EPS8L1: variants seen among roughly 807,000 people sequenced by gnomAD.
EPS8L1 encodes epidermal growth factor receptor kinase substrate 8-like protein 1.
EPS8L1 carries 101 observed loss-of-function variants against 91.7 expected under a neutral mutation model. The observed-to-expected ratio is 1.10, with a 90% CI of 0.94 to 1.30. The LOEUF is 1.30. EPS8L1 is among the 50% of genes most tolerant of loss of function. EPS8L1 has a pLI of 0.00. For synonymous variants in EPS8L1, 506 were observed against 445.3 expected (o/e 1.14, Z -1.72); for missense variants, 1,114 against 1,017.0 (o/e 1.10, Z -1.30).
intron 6 of EPS8L1, 198 bp from the exon 7 acceptor site, chr19:55,080,574 C>A (rs1255392160): frequency 5.0e-6 from 8 of 1,607,506 alleles, no homozygotes. Flanking sequence ...ACTGGGTCTC[C>A]ATGGGCGGGG....
At chr19:55,080,718 G>T in intron 6 of EPS8L1, 54 bp from the exon 7 acceptor site, 1 of 1,591,264 alleles carries the variant, frequency 6.3e-7, no homozygotes. Context: ...GGCGAGGCCC[G>T]GGTAGGAAGT....
chr19:55,086,637 C>CCCCCCCCCCCCCCCCCAGGGG, intron 17 of EPS8L1, 77 bp from the exon 18 acceptor site: 1 of 1,374,366 alleles, frequency 7.3e-7, no homozygotes, highest in Non-Finnish European at 1.0e-6. Flanking sequence ...GCTGGAGCGC[C>CCCCCCCCCCCCCCCCCAGGGG]CCCCCGCCCC....
chr19:55,079,604 AG>A (rs1255304540), intron 4 of EPS8L1, 85 bp from the exon 5 acceptor site: 1 of 1,496,460 alleles, frequency 6.7e-7, no homozygotes, highest in African/African-American at 1.4e-5. Context: ...GGTTAGTCTC[AG>A]GCTGAAAGTC....
At chr19:55,082,649 A>G (rs1260740777) in intron 12 of EPS8L1, 47 bp downstream of exon 12, 33 of 1,513,492 alleles carry the variant, frequency 2.2e-5, no homozygotes, top group Non-Finnish European at 2.6e-5. Flanking sequence ...TTGGAGGAGC[A>G]TAAGGCGCTG....
chr19:55,083,500 A>C lies in EPS8L1; in HGVS notation c.1337A>C (p.His446Pro), dbSNP rs1237671214. Residue 446 changes from histidine (H) to proline (P), a missense_variant, in exon 13 of 20, where the codon CAC (histidine) becomes CCC (proline). Physicochemically the swap from His to Pro is moderately conservative, Grantham distance 77 (BLOSUM62 -2). Coordinates refer to ENST00000201647, the MANE Select transcript of EPS8L1 (RefSeq NM_133180.3). The surrounding 1 kb of genome is among the most constrained non-coding windows in gnomAD (Gnocchi z 4.7). ...WEDPVEKQLQ[H>P]ERRRRQQSAP... Reference sequence around the variant, plus strand: ...GACCCAGTTGAGAAACAGCTACAGCACGAGCGGAGGCGCCGGCAGGTGACC... The same window carrying C: ...GACCCAGTTGAGAAACAGCTACAGCCCGAGCGGAGGCGCCGGCAGGTGACC... The C allele has an allele frequency of 6.2e-7, 1 of 1,611,644 alleles. No individual in the cohort carries two copies. The highest frequency in any genetic ancestry group is 1.7e-5 in the Admixed American group (1 of 59,844).
In EPS8L1 at chr19:55,079,734, C is replaced by A. The variant is rs1056338694; in HGVS notation, c.162C>A (p.Thr54=). 1 of 1,614,128 alleles carries A rather than the reference C, an allele frequency of 6.2e-7. No individual in the cohort carries two copies. The highest frequency in any genetic ancestry group is 1.7e-5 in the Admixed American group (1 of 60,010). Residue 54 remains threonine (T), a synonymous_variant, in exon 5 of 20, where the codon ACC becomes ACA. Coordinates refer to ENST00000201647, the MANE Select transcript of EPS8L1 (RefSeq NM_133180.3). ...TGGGTGAGGACGATGGCGTGCATAC[C>A]GTGGAGGATGCCTCCAGGAAGTTGG... The part of the protein sequence containing the change: ...FCLGEDDGVH[T]VEDASRKLAV...
intron 17 of EPS8L1, 44 bp from the exon 18 acceptor site, chr19:55,086,663 GACCCCTC>G: frequency 1.0e-6 from 1 of 979,956 alleles, no homozygotes; most frequent in Non-Finnish European, 1.5e-6. Context: ...CTGGCCCCAG[GACCCCTC>G]GCCCTGAGCC....
chr19:55,086,363 C>G lies in EPS8L1; in HGVS notation c.1651-29C>G, dbSNP rs368356826. 1.8e-4 allele frequency: 281 copies of G among 1,595,910 alleles called. 2 individuals are homozygous for G. The highest frequency in any genetic ancestry group is 1.4e-3 in the South Asian group (127 of 88,808). Reference sequence around the variant, plus strand: ...CTGGGACTCTGAGTCCTCTCCCTAACCCAGGTACTCTCCTCTCCTTCCTTT... The same window carrying G: ...CTGGGACTCTGAGTCCTCTCCCTAAGCCAGGTACTCTCCTCTCCTTCCTTT... On this transcript the variant is annotated intron_variant, in intron 16 of 19. Transcript: ENST00000201647.
At position 55,081,554 on chromosome 19, in the gene EPS8L1, T is replaced by G. The variant is rs566785517; in HGVS notation, c.774+62T>G. Reference sequence around the variant, plus strand: ...GGCGACTGGAGGCGGGGCTAGGGCGTGGAAGGGCGGGGCCGGCTGCGGGAC... The same window carrying G: ...GGCGACTGGAGGCGGGGCTAGGGCGGGGAAGGGCGGGGCCGGCTGCGGGAC... On this transcript the variant is annotated intron_variant, in intron 8 of 19. Coordinates refer to ENST00000201647, the MANE Select transcript of EPS8L1 (RefSeq NM_133180.3). This position sits in a 1 kb window ranked among gnomAD's most constrained non-coding sequence, Gnocchi z 4.9. The G allele has an allele frequency of 1.6e-4, 210 of 1,351,354 alleles. 3 individuals are homozygous for G. In the South Asian group the frequency reaches 3.5e-3, roughly 22 times the overall value. 83.7% of individuals were successfully genotyped at this position (1,351,354 alleles called of 1,614,324 possible).
chr19:55,083,574 T>TCCGCCTGGCC lies in EPS8L1; in HGVS notation c.1357-34_1357-25dup, dbSNP rs775192948. On this transcript the variant is annotated intron_variant, in intron 13 of 19. Transcript: ENST00000201647. The surrounding 1 kb of genome is among the most constrained non-coding windows in gnomAD (Gnocchi z 4.7). ...CTGGGAAGTCCGGGGGCGCGGCCGGTCCGCCTGGCCCCGCCTGACCCGACT... is the reference window on the plus strand; with the variant it reads ...CTGGGAAGTCCGGGGGCGCGGCCGGTCCGCCTGGCCCCGCCTGGCCCCGCCTGACCCGACT... 1 of 1,594,414 alleles carries TCCGCCTGGCC rather than the reference T, an allele frequency of 6.3e-7. No individual in the cohort carries two copies. The highest frequency in any genetic ancestry group is 8.5e-7 in the Non-Finnish European group (1 of 1,170,852).
At chr19:55,077,160 T>A (rs548508638) in intron 2 of EPS8L1, among the ~76,000 whole-genome samples, 37 of 152,290 alleles carry the variant, frequency 2.4e-4, no homozygotes, top group Non-Finnish European at 4.4e-4. Context: ...GGAAAGGTAA[T>A]CTTAGGAAGA....
At chr19:55,086,664 A>T (rs1355298199) in intron 17 of EPS8L1, 50 bp from the exon 18 acceptor site, 1 of 717,578 alleles carries the variant, frequency 1.4e-6, no homozygotes, top group Non-Finnish European at 2.2e-6. Flanking sequence ...TGGCCCCAGG[A>T]CCCCTCGCCC....
chr19:55,078,753 G>A (rs189452341), intron 3 of EPS8L1, among the ~76,000 whole-genome samples: 1 of 32,562 alleles, frequency 3.1e-5, no homozygotes, highest in African/African-American at 1.8e-4. Flanking sequence ...TGGACTCCTG[G>A]GTCAGAGGGA....
At chr19:55,086,352 C>T (rs1438291863) in intron 16 of EPS8L1, 40 bp from the exon 17 acceptor site, 15 of 1,600,196 alleles carry the variant, frequency 9.4e-6, no homozygotes, top group East Asian at 2.2e-5. Flanking sequence ...GACTCTGAGT[C>T]CTCTCCCTAA....
rs1337803800 is a variant in EPS8L1, at chr19:55,082,563, A to C, written c.1175A>C (p.Glu392Ala). The C allele has an allele frequency of 3.1e-6, 5 of 1,593,622 alleles. No homozygotes were observed. In the South Asian group the frequency reaches 5.6e-5, roughly 18 times the overall value. The change falls in exon 12 of 20, where the codon GAG (glutamate) becomes GCG (alanine). Residue 392 changes from glutamate to alanine, a missense_variant. Transcript: ENST00000201647. The part of the protein sequence containing the change: ...LRDNVTPREN[E>A]LWTSLGDSWT... ...GACAACGTCACTCCACGTGAAAACG[A>C]GCTCTGGACCTCGCTGGGGGACTCG...
chr19:55,080,837 C>T lies in EPS8L1; in HGVS notation c.495C>T (p.Arg165=), dbSNP rs2076242222. ...LHNYRSGRGE[R]RAAALRATQE... is the part of the protein sequence containing the mutation. The stretch of plus-strand genomic sequence containing the variant: ...ATTACCGCTCGGGCCGCGGGGAGCG[C>T]AGGGCGGCGGCGCTCAGGTGAGAGG... Residue 165 remains arginine, a synonymous_variant, in exon 7 of 20, where the codon CGC becomes CGT. Transcript: ENST00000201647. 1 of 1,610,812 alleles carries T rather than the reference C, an allele frequency of 6.2e-7. No individual in the cohort carries two copies. Among genetic ancestry groups the T allele is most frequent in the Non-Finnish European group, 8.5e-7 (1 of 1,178,418 alleles).
rs2076227462 is a variant in EPS8L1, at chr19:55,080,316, C to T, written c.429+38C>T. The T allele has an allele frequency of 2.6e-6, 4 of 1,535,172 alleles. No individual in the cohort carries two copies. In the African/African-American group the frequency reaches 4.1e-5, roughly 16 times the overall value. ...GCTGGCTCTGGGGGTGGAGCTGGAACTGGGCGGAGCCTGGAGCCGGGGCGG... is the reference window on the plus strand; with the variant it reads ...GCTGGCTCTGGGGGTGGAGCTGGAATTGGGCGGAGCCTGGAGCCGGGGCGG... On this transcript the variant is annotated intron_variant, in intron 6 of 19. Transcript: ENST00000201647.
intron 7 of EPS8L1, 128 bp downstream of exon 7, chr19:55,080,982 G>C: frequency 1.0e-6 from 1 of 975,226 alleles, no homozygotes; most frequent in Non-Finnish European, 1.5e-6. Context: ...GTCGAGTCTT[G>C]TCTGTACCTC....
chr19:55,082,624 C>G, intron 12 of EPS8L1, 22 bp downstream of exon 12: 1 of 1,545,076 alleles, frequency 6.5e-7, no homozygotes, highest in Non-Finnish European at 8.7e-7. Flanking sequence ...GGCTGGGAGG[C>G]AGGGGGCATG....
Sources: allele counts gnomAD v4.1 joint callset (sites outside exome capture counted in the v4.1 genomes callset), GRCh38; gene constraint gnomAD v4.1.1; non-coding constraint Gnocchi (gnomAD v3.1); transcripts MANE v1.5; gene names NCBI Gene and HGNC (gene_info 2026-07-23, HGNC 2026-07-21).